Variants in SGCZ observed in about 807,000 individuals in gnomAD.
SGCZ encodes the protein zeta-sarcoglycan.
SGCZ carries 40 observed loss-of-function variants against 41.3 expected under a neutral mutation model. The observed-to-expected ratio is 0.97, with a 90% CI of 0.75 to 1.26. SGCZ has a LOEUF of 1.26. Among genes scored for constraint, SGCZ ranks in the 50% most tolerant of loss-of-function variants. SGCZ has a pLI of 0.00. For missense variants in SGCZ, 552 were observed against 369.8 expected, an observed-to-expected ratio of 1.49 and a Z score of -4.04; for synonymous variants, 206 against 137.5, an observed-to-expected ratio of 1.50 and a Z score of -3.49.
chr8:14,877,412 T>G (rs939504657), intron 1 of SGCZ, among the ~76,000 whole-genome samples: 1 of 152,176 alleles, frequency 6.6e-6, no homozygotes, highest in African/African-American at 2.4e-5. Flanking sequence ...TCAAATCTGC[T>G]CCATGATCTA....
intron 1 of SGCZ, among the ~76,000 whole-genome samples, chr8:14,924,876 G>A (rs999949450): frequency 5.9e-5 from 3 of 50,624 alleles, no homozygotes; most frequent in Non-Finnish European, 8.2e-5. Context: ...TTTTTTTTTT[G>A]AGACAGATTC....
chr8:14,595,432 C>CAT (rs1180585949), intron 1 of SGCZ, among the ~76,000 whole-genome samples: 1 of 151,600 alleles, frequency 6.6e-6, no homozygotes, highest in African/African-American at 2.4e-5. Flanking sequence ...CACACACACA[C>CAT]ACACACACAC....
In SGCZ at chr8:14,625,173, T is replaced by C. The variant is rs192356931; in HGVS notation, c.40-70247A>G. Reference sequence around the variant, plus strand: ...TTTGCTCACTGTGTTCAGTGTTCCATAACTTAAAGATAAGTTATTCTTATT... The same window carrying C: ...TTTGCTCACTGTGTTCAGTGTTCCACAACTTAAAGATAAGTTATTCTTATT... On this transcript the variant is annotated intron_variant, in intron 1 of 7. Transcript: ENST00000382080. Among the ~76,000 whole-genome samples, 687 of 152,322 alleles carry C rather than the reference T, an allele frequency of 4.5e-3. 2 individuals carry two copies. The highest frequency in any genetic ancestry group is 0.012 in the Admixed American group (191 of 15,292).
Position 14,528,142 on chromosome 8 carries a change from T to C in SGCZ, c.234+26590A>G, listed in dbSNP as rs188989577. On this transcript the variant is annotated intron_variant, in intron 2 of 7. Coordinates refer to ENST00000382080, the MANE Select transcript of SGCZ (RefSeq NM_139167.4). ...TGTTTAGAGTCCTCTATGTTGTATGTTTTCATACAGAACAGAAACATAAAA... is the reference window on the plus strand; with the variant it reads ...TGTTTAGAGTCCTCTATGTTGTATGCTTTCATACAGAACAGAAACATAAAA... 3.6e-4 allele frequency among the ~76,000 whole-genome samples: 55 copies of C among 152,144 alleles called. No individual in the cohort carries two copies. The East Asian group carries it at 9.1e-3, about 25-fold the overall frequency.
At chr8:14,807,033 G>T (rs530112847) in intron 1 of SGCZ, among the ~76,000 whole-genome samples, 1 of 151,972 alleles carries the variant, frequency 6.6e-6, no homozygotes, top group Non-Finnish European at 1.5e-5. Context: ...ATTCAACAAC[G>T]CTTCAGGCTA....
chr8:14,476,376 C>T (rs1175113814), intron 2 of SGCZ, among the ~76,000 whole-genome samples: 1 of 151,884 alleles, frequency 6.6e-6, no homozygotes, highest in Non-Finnish European at 1.5e-5. Context: ...GAGCTGATTC[C>T]CATCATAAAT....
At chr8:15,218,663 GT>G (rs986130924) in intron 1 of SGCZ, among the ~76,000 whole-genome samples, 2 of 152,012 alleles carry the variant, frequency 1.3e-5, no homozygotes, top group African/African-American at 4.8e-5. Flanking sequence ...GAGTACACTC[GT>G]TTTTTTACAG....
intron 2 of SGCZ, among the ~76,000 whole-genome samples, chr8:14,499,076 A>G (rs1201970336): frequency 6.6e-6 from 1 of 151,768 alleles, no homozygotes; most frequent in Non-Finnish European, 1.5e-5. Flanking sequence ...TTGACCTCTT[A>G]TTATTTTATT....
intron 2 of SGCZ, among the ~76,000 whole-genome samples, chr8:14,398,145 G>T (rs758599916): frequency 1.1e-4 from 16 of 152,126 alleles, no homozygotes; most frequent in Non-Finnish European, 2.1e-4. Context: ...CAAAAGAGTG[G>T]AAGGGAAGGA....
intron 1 of SGCZ, among the ~76,000 whole-genome samples, chr8:14,596,295 C>G (rs1364162846): frequency 6.6e-6 from 1 of 152,136 alleles, no homozygotes; most frequent in East Asian, 1.9e-4. Context: ...TGAATTTTGC[C>G]TAGTATATAG....
At chr8:14,579,055 G>T (rs1804803412) in intron 1 of SGCZ, among the ~76,000 whole-genome samples, 1 of 151,974 alleles carries the variant, frequency 6.6e-6, no homozygotes. Flanking sequence ...ATCATTATTT[G>T]CACAAAGTAA....
At chr8:15,151,032 G>A (rs1003157951) in intron 1 of SGCZ, among the ~76,000 whole-genome samples, 8 of 152,140 alleles carry the variant, frequency 5.3e-5, no homozygotes, top group Non-Finnish European at 1.0e-4. Context: ...TCTATCTTAC[G>A]TTCTATCTCT....
At chr8:14,583,320 T>G (rs1159383133) in intron 1 of SGCZ, among the ~76,000 whole-genome samples, 2 of 152,110 alleles carry the variant, frequency 1.3e-5, no homozygotes, top group Admixed American at 6.6e-5. Flanking sequence ...TTGAGAAGTG[T>G]CTGTTCATGT....
In SGCZ at chr8:14,862,785, G is replaced by A. The variant is rs554058057; in HGVS notation, c.40-307859C>T. 1.2e-3 allele frequency among the ~76,000 whole-genome samples: 182 copies of A among 151,900 alleles called. 1 individual carries two copies. The highest frequency in any genetic ancestry group is 4.2e-3 in the African/African-American group (176 of 41,448). ...GTACTGACGAGAGCAGGAGGTGTAT[G>A]AGCAGAGAGAAACCTGCTTTCCCCT... On this transcript the variant is annotated intron_variant, in intron 1 of 7. Transcript: ENST00000382080.
At chr8:14,484,467 C>A (rs1295520325) in intron 2 of SGCZ, among the ~76,000 whole-genome samples, 3 of 151,924 alleles carry the variant, frequency 2.0e-5, no homozygotes, top group African/African-American at 7.2e-5. Context: ...CAGAAACTTG[C>A]ATTGATGTGA....
intron 2 of SGCZ, 87 bp from the exon 3 acceptor site, chr8:14,324,291 CAG>C: frequency 1.1e-6 from 1 of 882,864 alleles, no homozygotes; most frequent in South Asian, 1.4e-5. Context: ...ATTGAGAAAA[CAG>C]TGAGCTCAAA....
intron 1 of SGCZ, among the ~76,000 whole-genome samples, chr8:14,657,433 TTAAAG>T (rs1435365125): frequency 6.6e-6 from 1 of 152,122 alleles, no homozygotes; most frequent in African/African-American, 2.4e-5. Context: ...TTTTGACTTT[TTAAAG>T]TATTTTGTAA....
chr8:14,477,305 A>C (rs1801389730), intron 2 of SGCZ, among the ~76,000 whole-genome samples: 1 of 152,184 alleles, frequency 6.6e-6, no homozygotes, highest in Non-Finnish European at 1.5e-5. Flanking sequence ...AAAACCCTTT[A>C]AAACCAACTT....
At chr8:14,910,804 C>T (rs1289627236) in intron 1 of SGCZ, among the ~76,000 whole-genome samples, 1 of 151,892 alleles carries the variant, frequency 6.6e-6, no homozygotes, top group African/African-American at 2.4e-5. Context: ...AGAAATTATT[C>T]AGCTTGGCTT....
Sources: gnomAD v4.1 joint callset for allele counts (sites outside exome capture counted in the v4.1 genomes callset) on GRCh38, gnomAD v4.1.1 for gene constraint, MANE v1.5 for transcripts, NCBI Gene and HGNC (gene_info 2026-07-23, HGNC 2026-07-21) for gene names.